The following ANO1 variants were observed in gnomAD, a reference collection of about 807,000 sequenced individuals.
ANO1 encodes anoctamin 1, also known as anoctamin-1.
In ANO1, 59 loss-of-function variants were observed where a neutral mutation model predicts 124.0. The observed-to-expected ratio is 0.48, with a 90% confidence interval of 0.39 to 0.59. ANO1 has a LOEUF of 0.59. Ranked by LOEUF, ANO1 falls within the 20% of genes least tolerant of loss-of-function variation. The pLI is 0.00. For synonymous variants in ANO1, 529 were observed against 532.0 expected, an observed-to-expected ratio of 0.99 and a Z score of 0.08; for missense variants, 1,059 against 1,328.0, an observed-to-expected ratio of 0.80 and a Z score of 3.15.
Position 70,153,086 on chromosome 11 carries a change from A to G in ANO1, c.1383A>G (p.Arg461=). The G allele has an allele frequency of 6.2e-7, 1 of 1,608,044 alleles. No individual in the cohort carries two copies. Among genetic ancestry groups the G allele is most frequent in the Non-Finnish European group, 8.5e-7 (1 of 1,177,218 alleles). The change falls in exon 14 of 26, where the codon AGA becomes AGG. Residue 461 remains arginine, a synonymous_variant. Coordinates refer to ENST00000355303, the MANE Select transcript of ANO1 (RefSeq NM_018043.7). ...KDHPRAEYEA[R]VLEKSLKKES... ...ATCCTAGAGCTGAATACGAAGCCAGAGTCTTGGAGAAGTCTCTGAAGAAAG... is the reference window on the plus strand; with the variant it reads ...ATCCTAGAGCTGAATACGAAGCCAGGGTCTTGGAGAAGTCTCTGAAGAAAG...
In ANO1 at chr11:70,030,305, TG is replaced by T. The variant is rs1555003682; in HGVS notation, c.58+44142del. On this transcript the variant is annotated intron_variant, in intron 1 of 27. Transcript: ENST00000531349. The stretch of plus-strand genomic sequence containing the variant: ...TGATGTGGCTGCCGGGGATGAGGAC[TG>T]GGCAAAGGTATCGGGTTCTCCCTTC... Among the ~76,000 whole-genome samples, 5 of 152,360 alleles carry T rather than the reference TG, an allele frequency of 3.3e-5. No individual in the cohort carries two copies. The South Asian group carries it at 8.3e-4, about 25-fold the overall frequency.
At chr11:70,074,108 C>G (rs1325266895), upstream of ANO1, among the ~76,000 whole-genome samples, 1 of 152,176 alleles carries the variant, frequency 6.6e-6, no homozygotes, top group African/African-American at 2.4e-5. Context: ...CCTGTTTGGC[C>G]TCTGTTTCTG....
intron 1 of ANO1, among the ~76,000 whole-genome samples, chr11:69,990,584 T>C (rs1383750715): frequency 6.6e-6 from 1 of 152,224 alleles, no homozygotes; most frequent in African/African-American, 2.4e-5. Context: ...ACACAATGGC[T>C]GCACCATTTT....
chr11:70,114,385 C>T (rs1475087429), intron 7 of ANO1, among the ~76,000 whole-genome samples: 1 of 152,232 alleles, frequency 6.6e-6, no homozygotes, highest in Non-Finnish European at 1.5e-5. Flanking sequence ...GGGGAGATGA[C>T]TGGTTCTGGC....
chr11:70,111,004 C>A, intron 6 of ANO1: 1 of 397,218 alleles, frequency 2.5e-6, no homozygotes, highest in Non-Finnish European at 5.1e-6. Context: ...ATTCCACTGC[C>A]TCCAGGAGCA....
intron 14 of ANO1, among the ~76,000 whole-genome samples, chr11:70,154,460 CTT>C (rs35077245): frequency 5.9e-5 from 5 of 84,246 alleles, no homozygotes; most frequent in Non-Finnish European, 6.7e-5. Context: ...GGAAGTATGT[CTT>C]TTTTTTTTTT....
At chr11:70,062,067 C>CT (rs1175846749) in intron 1 of ANO1, among the ~76,000 whole-genome samples, 1,521 of 62,284 alleles carry the variant, frequency 0.024, 97 homozygotes, top group Middle Eastern at 0.041. Flanking sequence ...TTCCTTCTTT[C>CT]TTTTTTTTTT....
intron 1 of ANO1, among the ~76,000 whole-genome samples, chr11:70,079,505 G>A (rs1013331087): frequency 3.3e-5 from 5 of 152,096 alleles, no homozygotes; most frequent in African/African-American, 1.2e-4. Flanking sequence ...TTTTAGAGAG[G>A]GGGGCAGAAT....
At chr11:69,980,099 A>T in the ANO1 span, among the ~76,000 whole-genome samples, 1 of 152,214 alleles carries the variant, frequency 6.6e-6, no homozygotes. Context: ...CTAAAAAGGG[A>T]GGAAATTTTG....
At position 70,163,345 on chromosome 11, in the gene ANO1, C is replaced by A. The variant is rs759555868; in HGVS notation, c.1950+5C>A. On this transcript the variant is annotated splice_donor_5th_base_variant and intron_variant, in intron 19 of 25. Coordinates refer to ENST00000355303, the MANE Select transcript of ANO1 (RefSeq NM_018043.7). ...CGTTCCTTCCGAATGGAAGAGGTAA[C>A]CGAAATTTTATTCATCTCTGGCAGC... The A allele has an allele frequency of 6.2e-7, 1 of 1,613,966 alleles. No homozygotes were observed. The highest frequency in any genetic ancestry group is 1.1e-5 in the South Asian group (1 of 91,070).
intron 19 of ANO1, 68 bp from the exon 20 acceptor site, chr11:70,165,402 T>A: frequency 7.4e-7 from 1 of 1,350,122 alleles, no homozygotes; most frequent in Non-Finnish European, 1.0e-6. Flanking sequence ...AGGGTGGGCC[T>A]CCCTGCAGGG....
At chr11:69,979,613 G>A in the ANO1 span, among the ~76,000 whole-genome samples, 3 of 152,190 alleles carry the variant, frequency 2.0e-5, no homozygotes, top group South Asian at 6.2e-4. Context: ...ATCTTAAAAG[G>A]AAGATATCAA....
rs1185293726 is a variant in ANO1 at position 70,161,323 on chromosome 11, G to A, written c.1741G>A (p.Glu581Lys). ...CCTAGTGGTCATCATCCTCCTGGAC[G>A]AGGTGTATGGCTGCATAGCCCGATG... ...INLVVIILLD[E>K]VYGCIARWLT... is the part of the protein sequence containing the mutation. The change falls in exon 17 of 26, where the codon GAG (glutamate) becomes AAG (lysine). Residue 581 changes from glutamate (E) to lysine (K), a missense_variant. Physicochemically the swap from Glu to Lys is moderately conservative, Grantham distance 56 (BLOSUM62 1). This residue lies in a region of ANO1 where 809 missense variants were observed against 1,094.9 expected (regional missense o/e 0.74). Transcript: ENST00000355303. 5 of 1,613,884 alleles carry A rather than the reference G, an allele frequency of 3.1e-6. No homozygotes were observed. The highest frequency in any genetic ancestry group is 4.5e-5 in the East Asian group (2 of 44,900).
chr11:70,115,009 C>G (rs1435794889), intron 7 of ANO1, among the ~76,000 whole-genome samples: 1 of 152,190 alleles, frequency 6.6e-6, no homozygotes, highest in African/African-American at 2.4e-5. Context: ...GCATAAGGAC[C>G]TCCGTATAAA....
intron 5 of ANO1, among the ~76,000 whole-genome samples, chr11:70,107,490 C>CGGGGGGGGGGGGGGGGGGG (rs1432604573): frequency 9.3e-5 from 6 of 64,500 alleles, no homozygotes; most frequent in Admixed American, 1.3e-4. Context: ...CCAGTGGAGG[C>CGGGGGGGGGGGGGGGGGGG]GGCGGGGCGG....
intron 1 of ANO1, among the ~76,000 whole-genome samples, chr11:70,086,279 C>CTG (rs1283442341): frequency 6.6e-6 from 1 of 152,190 alleles, no homozygotes; most frequent in South Asian, 2.1e-4. Flanking sequence ...GCTGATCGAC[C>CTG]TGTCTGTCTT....
chr11:70,126,431 C>T (rs1384005109), intron 10 of ANO1, among the ~76,000 whole-genome samples: 1 of 152,256 alleles, frequency 6.6e-6, no homozygotes, highest in African/African-American at 2.4e-5. Flanking sequence ...AAGAGAAAGG[C>T]ATAAAAGAAA....
At chr11:70,012,620 TG>T (rs1192413783) in intron 1 of ANO1, among the ~76,000 whole-genome samples, 1 of 148,182 alleles carries the variant, frequency 6.7e-6, no homozygotes, top group Non-Finnish European at 1.5e-5. Flanking sequence ...CCATCCCCTT[TG>T]TCTAGTCATC....
the ANO1 span, among the ~76,000 whole-genome samples, chr11:69,969,848 G>A: frequency 3.3e-5 from 5 of 152,198 alleles, no homozygotes; most frequent in Non-Finnish European, 7.3e-5. Context: ...TTAGGAGGCT[G>A]AGGCAGGAGA....
Sources: allele counts gnomAD v4.1 joint callset (sites outside exome capture counted in the v4.1 genomes callset), GRCh38; gene constraint gnomAD v4.1.1; regional missense constraint gnomAD v4.1.1; transcripts MANE v1.5; gene names NCBI Gene and HGNC (gene_info 2026-07-23, HGNC 2026-07-21).